RAPH1: variants seen among roughly 807,000 people sequenced by gnomAD.
The protein encoded by RAPH1 is ras-associated and pleckstrin homology domains-containing protein 1.
A neutral mutation model predicts 88.1 loss-of-function variants in RAPH1; 18 were observed. That is an observed-to-expected ratio of 0.20 (90% CI 0.14 to 0.30). RAPH1 has a LOEUF of 0.30. Among genes scored for constraint, RAPH1 ranks in the 10% least tolerant of loss-of-function variants. The pLI, the probability that RAPH1 is intolerant of heterozygous loss-of-function variation, is 1.00. For synonymous variants in RAPH1, 587 were observed against 559.0 expected, an observed-to-expected ratio of 1.05 and a Z score of -0.71; for missense variants, 1,448 against 1,543.2, an observed-to-expected ratio of 0.94 and a Z score of 1.03.
intron 1 of RAPH1, among the ~76,000 whole-genome samples, chr2:203,503,422 G>C (rs1424789390): frequency 2.0e-5 from 3 of 152,112 alleles, no homozygotes; most frequent in Admixed American, 2.0e-4. Flanking sequence ...AGAAGCAAAA[G>C]TGGAAACCCA....
chr2:203,456,305 T>C (rs966302243), intron 8 of RAPH1, among the ~76,000 whole-genome samples: 1 of 152,228 alleles, frequency 6.6e-6, no homozygotes, highest in Non-Finnish European at 1.5e-5. Context: ...CGTTAGACTT[T>C]ATTTTTTCTC....
intron 5 of RAPH1, among the ~76,000 whole-genome samples, 163 bp downstream of exon 5, chr2:203,461,685 A>AT (rs1399115865): frequency 2.0e-5 from 3 of 152,240 alleles, no homozygotes; most frequent in Non-Finnish European, 4.4e-5. Flanking sequence ...TTTATAATGC[A>AT]TTTTACCCAC....
rs2098508559 is a variant in RAPH1 at position 203,445,393 on chromosome 2, T to C, written c.1634-383A>G. ...TTACATTGAGAATCAGCCTTTTTAATACCCCTGCCTTAAGGTCACGCCAGA... is the reference window on the plus strand; with the variant it reads ...TTACATTGAGAATCAGCCTTTTTAACACCCCTGCCTTAAGGTCACGCCAGA... On this transcript the variant is annotated intron_variant, in intron 12 of 13. Coordinates refer to ENST00000319170, the MANE Select transcript of RAPH1 (RefSeq NM_213589.3). 4 of 168,818 alleles carry C rather than the reference T, an allele frequency of 2.4e-5. No individual in the cohort carries two copies. In the South Asian group the frequency reaches 5.6e-4, roughly 23 times the overall value. 10.5% of individuals were successfully genotyped at this position (168,818 alleles called of 1,614,324 possible).
chr2:203,445,216 G>A, intron 12 of RAPH1: 1 of 466,202 alleles, frequency 2.1e-6, no homozygotes, highest in South Asian at 4.5e-5. Flanking sequence ...TCAGATTAGT[G>A]TTAAATATTT....
intron 4 of RAPH1, among the ~76,000 whole-genome samples, chr2:203,478,116 C>G (rs1161774924): frequency 2.0e-5 from 3 of 151,768 alleles, no homozygotes; most frequent in Non-Finnish European, 2.9e-5. Flanking sequence ...TCATTGCAAG[C>G]TCCACCTCCT....
intron 1 of RAPH1, among the ~76,000 whole-genome samples, chr2:203,506,076 C>T (rs899475474): frequency 3.3e-5 from 5 of 152,272 alleles, no homozygotes; most frequent in African/African-American, 9.6e-5. Flanking sequence ...CTACCTATTC[C>T]CCTACCAGAT....
chr2:203,483,280 C>T (rs1687811200), intron 4 of RAPH1, among the ~76,000 whole-genome samples: 1 of 152,090 alleles, frequency 6.6e-6, no homozygotes, highest in Admixed American at 6.6e-5. Flanking sequence ...AGAAGGAAGC[C>T]TATTCAAAAA....
chr2:203,504,125 A>C (rs1688864488), intron 1 of RAPH1, among the ~76,000 whole-genome samples: 1 of 152,114 alleles, frequency 6.6e-6, no homozygotes, highest in African/African-American at 2.4e-5. Flanking sequence ...GGTCTGGAGG[A>C]CAATAGCCCT....
chr2:203,457,461 G>A (rs2098520621), intron 8 of RAPH1, 69 bp downstream of exon 8: 7 of 1,266,848 alleles, frequency 5.5e-6, no homozygotes, highest in Non-Finnish European at 6.9e-6. Flanking sequence ...TGGGATTGCA[G>A]GCGTGAGCCA....
rs1290891444 is a variant in RAPH1, at chr2:203,440,706, G to A, written c.2484C>T (p.Pro828=). The part of the protein sequence containing the change: ...AFPASYIPPS[P]PTPPVPVPPP... ...GGGGTACTGGAACAGGAGGGGTAGG[G>A]GGAGAGGGTGGAATGTAAGAAGCAG... The change falls in exon 14 of 14, where the codon CCC becomes CCT. Residue 828 remains proline, a synonymous_variant. Coordinates refer to ENST00000319170, the MANE Select transcript of RAPH1 (RefSeq NM_213589.3). 3.1e-6 allele frequency: 5 copies of A among 1,600,548 alleles called. No individual in the cohort carries two copies. Among genetic ancestry groups the A allele is most frequent in the Non-Finnish European group, 4.3e-6 (5 of 1,172,950 alleles).
At chr2:203,534,143 T>C (rs1022940705) in intron 1 of RAPH1, among the ~76,000 whole-genome samples, 50 of 152,344 alleles carry the variant, frequency 3.3e-4, no homozygotes, top group African/African-American at 1.2e-3. Context: ...TTACTGTTCC[T>C]TAACGGTGGA....
In RAPH1 at chr2:203,434,056, C is replaced by CTATCTATCTATATATATA. The variant is rs1488308709; in HGVS notation, c.*5380_*5381insTATATATATAGATAGATA. The CTATCTATCTATATATATA allele has an allele frequency of 6.9e-5, 10 of 145,646 alleles. No homozygotes were observed. The highest frequency in any genetic ancestry group is 2.5e-4 in the African/African-American group (10 of 39,222). The allele number at this position is 145,646 out of a possible 1,614,324, so 9.0% of individuals were successfully genotyped here. A position where few individuals can be genotyped will look rare whatever the true frequency, so the allele number is the denominator to read the frequency against. On this transcript the variant is annotated 3_prime_UTR_variant, in exon 14 of 14. Coordinates refer to ENST00000319170, the MANE Select transcript of RAPH1 (RefSeq NM_213589.3). ...CTCTCTCATATATCTATCTATCTAT[C>CTATCTATCTATATATATA]TATATATATATATATATATATATAG...
At chr2:203,505,360 C>A (rs1405672055) in intron 1 of RAPH1, among the ~76,000 whole-genome samples, 3 of 152,102 alleles carry the variant, frequency 2.0e-5, no homozygotes, top group Admixed American at 2.0e-4. Flanking sequence ...GTGGAAACCC[C>A]TGATAAACCC....
At chr2:203,523,125 G>A (rs1156839150) in intron 1 of RAPH1, among the ~76,000 whole-genome samples, 2 of 152,124 alleles carry the variant, frequency 1.3e-5, no homozygotes, top group African/African-American at 4.8e-5. Context: ...CAGGGGCGGT[G>A]GCTCACGCCT....
At chr2:203,446,932 T>G (rs2098510262) in intron 12 of RAPH1, 1 of 149,632 alleles carries the variant, frequency 6.7e-6, no homozygotes, top group African/African-American at 2.5e-5. Context: ...AAAAAAAAGT[T>G]GTGGAGATGG....
chr2:203,530,370 G>A (rs1026438367), intron 1 of RAPH1, among the ~76,000 whole-genome samples: 2 of 152,182 alleles, frequency 1.3e-5, no homozygotes, highest in Non-Finnish European at 2.9e-5. Context: ...AAGGGTTAGA[G>A]ATGTTAAACA....
chr2:203,483,414 A>AAT (rs1418947397), intron 4 of RAPH1, among the ~76,000 whole-genome samples: 1 of 152,208 alleles, frequency 6.6e-6, no homozygotes, highest in Non-Finnish European at 1.5e-5. Flanking sequence ...GTAGAAAGAA[A>AAT]ATAAGTAGAT....
chr2:203,444,945 C>T lies in RAPH1; in HGVS notation c.1699G>A (p.Val567Ile), dbSNP rs760510572. 6.2e-6 allele frequency: 10 copies of T among 1,613,964 alleles called. No individual in the cohort carries two copies. The highest frequency in any genetic ancestry group is 2.2e-5 in the East Asian group (1 of 44,898). ...GAGCTCACAATGCTCTGGGAACGGA[C>T]GTGTCCTGCTGGCTGGGTGTCAGAA... ...GVSDTQPAGH[V>I]RSQSIVSSVF... Residue 567 changes from valine to isoleucine, a missense_variant, in exon 13 of 14, where the codon GTC becomes ATC. Val to Ile is a conservative substitution (Grantham distance 29). This residue lies in a region of RAPH1 where 935 missense variants were observed against 890.1 expected (regional missense o/e 1.05). Coordinates refer to ENST00000319170, the MANE Select transcript of RAPH1 (RefSeq NM_213589.3).
chr2:203,535,020 A>T (rs965538744), intron 1 of RAPH1, 91 bp downstream of exon 1: 1 of 152,098 alleles, frequency 6.6e-6, no homozygotes, highest in African/African-American at 2.4e-5. Flanking sequence ...GGCGCCGGGA[A>T]AATGGAGGCG....
Sources: allele counts gnomAD v4.1 joint callset (sites outside exome capture counted in the v4.1 genomes callset), GRCh38; gene constraint gnomAD v4.1.1; regional missense constraint gnomAD v4.1.1; transcripts MANE v1.5; gene names NCBI Gene and HGNC (gene_info 2026-07-23, HGNC 2026-07-21).